VPS53: variants seen among roughly 807,000 people sequenced by gnomAD.
The protein encoded by VPS53 is vacuolar protein sorting-associated protein 53 homolog.
Under a neutral mutation model 107.0 loss-of-function variants are expected in VPS53, and 70 were observed. The ratio of observed to expected loss-of-function variants is 0.65; its 90% CI spans 0.54 to 0.80. The LOEUF (loss-of-function observed/expected upper bound fraction) is 0.80, where lower values mean the gene tolerates loss of function less well. Ranked by LOEUF, VPS53 falls within the 30% of genes least tolerant of loss-of-function variation. The pLI, the probability that VPS53 is intolerant of heterozygous loss-of-function variation, is 0.00. For missense variants in VPS53, 917 were observed against 1,049.4 expected (o/e 0.87, Z 1.74); for synonymous variants, 409 against 393.3 (o/e 1.04, Z -0.47).
At chr17:533,376 T>C (rs1308917615) in intron 18 of VPS53, among the ~76,000 whole-genome samples, 1 of 152,192 alleles carries the variant, frequency 6.6e-6, no homozygotes, top group Non-Finnish European at 1.5e-5. Context: ...CCGGAAGTGC[T>C]GGGATTACAA....
At chr17:587,610 A>C (rs1377149905) in intron 12 of VPS53, among the ~76,000 whole-genome samples, 2 of 152,208 alleles carry the variant, frequency 1.3e-5, no homozygotes, top group African/African-American at 4.8e-5. Context: ...CAAGTATTTT[A>C]AAACAATATT....
At chr17:626,429 G>C (rs1183181776) in intron 10 of VPS53, among the ~76,000 whole-genome samples, 2 of 152,130 alleles carry the variant, frequency 1.3e-5, no homozygotes, top group Non-Finnish European at 2.9e-5. Context: ...CGGCACTTCG[G>C]GAGGCTAAAA....
intron 1 of VPS53, among the ~76,000 whole-genome samples, chr17:713,297 T>C (rs374529099): frequency 1.3e-5 from 2 of 152,210 alleles, no homozygotes; most frequent in East Asian, 3.8e-4. Flanking sequence ...TATAACTTCA[T>C]GACAATTCCT....
chr17:588,933 A>G (rs1178713448), intron 12 of VPS53, among the ~76,000 whole-genome samples: 1 of 151,426 alleles, frequency 6.6e-6, no homozygotes, highest in Non-Finnish European at 1.5e-5. Flanking sequence ...TATTGATTCA[A>G]TAAGATGACT....
At chr17:576,655 C>G in intron 13 of VPS53, among the ~76,000 whole-genome samples, 1 of 151,254 alleles carries the variant, frequency 6.6e-6, no homozygotes, top group East Asian at 2.0e-4. Context: ...GAATCTAATG[C>G]GTTCCCAGAA....
At chr17:650,322 C>T (rs74705855) in intron 7 of VPS53, among the ~76,000 whole-genome samples, 3,735 of 151,884 alleles carry the variant, frequency 0.025, 98 homozygotes, top group Non-Finnish European at 0.036. Context: ...TAAGAAGATC[C>T]CACCTCTACA....
intron 11 of VPS53, among the ~76,000 whole-genome samples, chr17:604,464 G>A (rs796181100): frequency 5.3e-5 from 8 of 152,274 alleles, no homozygotes; most frequent in African/African-American, 1.4e-4. Flanking sequence ...CGAACCTAAC[G>A]GGCAGCCCTG....
At chr17:569,652 C>T (rs1488851794) in intron 13 of VPS53, among the ~76,000 whole-genome samples, 1 of 152,138 alleles carries the variant, frequency 6.6e-6, no homozygotes, top group Non-Finnish European at 1.5e-5. Context: ...GGCGCGGCAG[C>T]TCATGCCTGT....
At chr17:570,875 G>A (rs1215042129) in intron 13 of VPS53, among the ~76,000 whole-genome samples, 1 of 152,154 alleles carries the variant, frequency 6.6e-6, no homozygotes, top group East Asian at 1.9e-4. Context: ...AGGGGTCTGG[G>A]ATTAAGCAGT....
chr17:602,609 T>C (rs1968379638), intron 11 of VPS53, among the ~76,000 whole-genome samples: 4 of 152,194 alleles, frequency 2.6e-5, no homozygotes, highest in Admixed American at 2.0e-4. Flanking sequence ...GGAGGCATGG[T>C]AGCTGTAGCT....
intron 13 of VPS53, among the ~76,000 whole-genome samples, chr17:572,122 C>A (rs1914161958): frequency 6.6e-6 from 1 of 151,472 alleles, no homozygotes; most frequent in Non-Finnish European, 1.5e-5. Flanking sequence ...GGCCGCCATC[C>A]CATCTAGGAA....
At chr17:609,573 T>C (rs1428767350) in intron 11 of VPS53, among the ~76,000 whole-genome samples, 1 of 152,186 alleles carries the variant, frequency 6.6e-6, no homozygotes, top group Non-Finnish European at 1.5e-5. Flanking sequence ...CCCCTTCACA[T>C]TAGGCATGGC....
chr17:652,605 A>T (rs1365474743), intron 7 of VPS53, among the ~76,000 whole-genome samples: 2 of 152,174 alleles, frequency 1.3e-5, no homozygotes, highest in Non-Finnish European at 2.9e-5. Flanking sequence ...AGCACCAAGG[A>T]GCCAGCCATG....
intron 3 of VPS53, 88 bp from the exon 4 acceptor site, chr17:697,572 T>C: frequency 1.8e-6 from 2 of 1,119,656 alleles, no homozygotes; most frequent in Non-Finnish European, 1.3e-6. Flanking sequence ...AATTTATTCA[T>C]CAACTTCTGC....
chr17:648,271 G>T (rs1258641696), intron 7 of VPS53, among the ~76,000 whole-genome samples: 1 of 152,220 alleles, frequency 6.6e-6, no homozygotes, highest in African/African-American at 2.4e-5. Flanking sequence ...AATAAGGCCG[G>T]GCACGGTGGC....
rs1971799343 is a variant in VPS53 at position 668,563 on chromosome 17, A to G, written c.286-6668T>C. 5.9e-5 allele frequency among the ~76,000 whole-genome samples: 9 copies of G among 152,198 alleles called. No individual in the cohort carries two copies. The South Asian group carries it at 1.9e-3, about 32-fold the overall frequency. Reference sequence around the variant, plus strand: ...AATTCTAAAAAAGTTTCAATCGTGGAGTAAAAAGTGCAACAGAGGCCTCTG... The same window carrying G: ...AATTCTAAAAAAGTTTCAATCGTGGGGTAAAAAGTGCAACAGAGGCCTCTG... On this transcript the variant is annotated intron_variant, in intron 4 of 21. Transcript: ENST00000437048.
chr17:711,242 C>G (rs1973632275), intron 1 of VPS53, among the ~76,000 whole-genome samples: 1 of 152,198 alleles, frequency 6.6e-6, no homozygotes, highest in Non-Finnish European at 1.5e-5. Context: ...ATACAGCTAA[C>G]TCCCTAACAA....
At chr17:606,512 G>A (rs1300600720) in intron 11 of VPS53, among the ~76,000 whole-genome samples, 2 of 152,086 alleles carry the variant, frequency 1.3e-5, no homozygotes, top group Non-Finnish European at 2.9e-5. Context: ...CGTGTCAGGC[G>A]TGAGCTACAC....
intron 13 of VPS53, among the ~76,000 whole-genome samples, chr17:573,335 T>C (rs747353760): frequency 3.9e-5 from 6 of 152,256 alleles, no homozygotes; most frequent in Non-Finnish European, 8.8e-5. Context: ...ATTTAAAGGA[T>C]GTAAGGACGG....
Sources: gnomAD v4.1 joint callset for allele counts (sites outside exome capture counted in the v4.1 genomes callset) on GRCh38, gnomAD v4.1.1 for gene constraint, MANE v1.5 for transcripts, NCBI Gene and HGNC (gene_info 2026-07-23, HGNC 2026-07-21) for gene names.